The following IMMP2L variants were observed in gnomAD, a reference collection of about 807,000 sequenced individuals.
IMMP2L encodes inner mitochondrial membrane peptidase subunit 2, also known as mitochondrial inner membrane protease subunit 2.
A neutral mutation model predicts 19.3 loss-of-function variants in IMMP2L; 18 were observed. The ratio of observed to expected loss-of-function variants is 0.93; its 90% CI spans 0.64 to 1.38. The LOEUF is 1.38. Ranked by LOEUF, IMMP2L falls within the 40% of genes most tolerant of loss-of-function variation. The probability of loss-of-function intolerance (pLI) is 0.00; values close to 1 mark genes in which losing one functional copy is unlikely to be tolerated. For missense variants in IMMP2L, 233 were observed against 218.2 expected (o/e 1.07, Z -0.43); for synonymous variants, 76 against 73.0 (o/e 1.04, Z -0.21).
intron 5 of IMMP2L, among the ~76,000 whole-genome samples, chr7:110,684,524 C>G (rs1276992363): frequency 6.6e-6 from 1 of 151,806 alleles, no homozygotes; most frequent in East Asian, 1.9e-4. Context: ...TCACACAATT[C>G]CATTGTGTGA....
chr7:110,939,315 C>A (rs1816456464), intron 4 of IMMP2L, among the ~76,000 whole-genome samples: 1 of 145,086 alleles, frequency 6.9e-6, no homozygotes, highest in Admixed American at 7.2e-5. Context: ...TTCCAGAAAT[C>A]TGTGTTTTTC....
At chr7:110,986,994 A>G (rs1416351634) in intron 3 of IMMP2L, among the ~76,000 whole-genome samples, 1 of 152,122 alleles carries the variant, frequency 6.6e-6, no homozygotes, top group Admixed American at 6.5e-5. Flanking sequence ...GTTAACTCTC[A>G]CCGAAATAGT....
chr7:111,289,781 G>A (rs969440605), intron 3 of IMMP2L, among the ~76,000 whole-genome samples: 1 of 151,710 alleles, frequency 6.6e-6, no homozygotes, highest in Non-Finnish European at 1.5e-5. Flanking sequence ...TGCCTCCCCA[G>A]CTCAAACTTT....
At chr7:111,162,831 C>G (rs1437293198) in intron 3 of IMMP2L, among the ~76,000 whole-genome samples, 2 of 151,920 alleles carry the variant, frequency 1.3e-5, no homozygotes, top group African/African-American at 4.8e-5. Context: ...TGTCTAGACA[C>G]CCCCGCCCTC....
At chr7:110,687,143 T>G (rs1343545721) in intron 5 of IMMP2L, among the ~76,000 whole-genome samples, 2 of 152,076 alleles carry the variant, frequency 1.3e-5, no homozygotes, top group Admixed American at 6.6e-5. Flanking sequence ...ACCAGCATGG[T>G]TACTCTGTAT....
At chr7:111,234,031 G>GT (rs1225771274) in intron 3 of IMMP2L, among the ~76,000 whole-genome samples, 4 of 152,072 alleles carry the variant, frequency 2.6e-5, no homozygotes, top group African/African-American at 7.2e-5. Context: ...AAGTAATGTA[G>GT]TTGGATGGTC....
At chr7:111,549,546 A>C (rs1287618601) in intron 1 of IMMP2L, among the ~76,000 whole-genome samples, 1 of 152,202 alleles carries the variant, frequency 6.6e-6, no homozygotes, top group Non-Finnish European at 1.5e-5. Flanking sequence ...GAGTATTAGC[A>C]TAATGTAGTC....
At position 111,423,191 on chromosome 7, in the gene IMMP2L, C is replaced by T. The variant is rs1369417074; in HGVS notation, c.239+64047G>A. Among the ~76,000 whole-genome samples the T allele has an allele frequency of 2.6e-5, 4 of 151,874 alleles. No individual in the cohort carries two copies. The East Asian group carries it at 5.8e-4, about 22-fold the overall frequency. ...GGTCTAAAATTCTTTTTTGTTGTGTCTCTGCCAGGCTTTGGTATCAGGATG... is the reference window on the plus strand; with the variant it reads ...GGTCTAAAATTCTTTTTTGTTGTGTTTCTGCCAGGCTTTGGTATCAGGATG... On this transcript the variant is annotated intron_variant, in intron 3 of 5. Coordinates refer to ENST00000405709, the MANE Select transcript of IMMP2L (RefSeq NM_032549.4).
chr7:110,886,727 G>A, intron 4 of IMMP2L, 32 bp from the exon 5 acceptor site: 1 of 1,001,042 alleles, frequency 1.0e-6, no homozygotes, highest in East Asian at 2.4e-5. Flanking sequence ...ACTGAGATAT[G>A]AGTAGAAAAG....
chr7:111,106,361 T>C (rs1024832801), intron 3 of IMMP2L, among the ~76,000 whole-genome samples: 5 of 151,952 alleles, frequency 3.3e-5, no homozygotes, highest in African/African-American at 1.2e-4. Context: ...AAGGTCAACT[T>C]TTTTGAAGGA....
chr7:110,938,734 A>G (rs769319722), intron 4 of IMMP2L, among the ~76,000 whole-genome samples: 1 of 152,154 alleles, frequency 6.6e-6, no homozygotes, highest in Admixed American at 6.6e-5. Flanking sequence ...TAAATCTACA[A>G]AACAATACAA....
intron 3 of IMMP2L, among the ~76,000 whole-genome samples, chr7:111,282,811 T>C (rs1252340099): frequency 6.6e-6 from 1 of 152,162 alleles, no homozygotes; most frequent in African/African-American, 2.4e-5. Context: ...CTCAAATTCT[T>C]GGGCTAATAT....
intron 2 of IMMP2L, among the ~76,000 whole-genome samples, chr7:111,508,187 A>T (rs1468303350): frequency 6.6e-6 from 1 of 152,112 alleles, no homozygotes; most frequent in Non-Finnish European, 1.5e-5. Context: ...AAAAAGAAAG[A>T]AAAAAATTCA....
At chr7:111,187,060 C>T (rs1317472126) in intron 3 of IMMP2L, among the ~76,000 whole-genome samples, 3 of 151,996 alleles carry the variant, frequency 2.0e-5, no homozygotes, top group Non-Finnish European at 2.9e-5. Context: ...TACACCTTTA[C>T]ACAGAGGAAA....
At chr7:110,905,544 C>G (rs1243181069) in intron 4 of IMMP2L, among the ~76,000 whole-genome samples, 1 of 151,520 alleles carries the variant, frequency 6.6e-6, no homozygotes, top group South Asian at 2.1e-4. Context: ...CAGGTAATAT[C>G]CAAAACTAAA....
At chr7:110,952,057 A>G (rs73198999) in intron 4 of IMMP2L, among the ~76,000 whole-genome samples, 1 of 152,310 alleles carries the variant, frequency 6.6e-6, no homozygotes, top group Non-Finnish European at 1.5e-5. Flanking sequence ...TGGGTATTTT[A>G]AAAGACAATT....
chr7:110,735,846 CAAA>C (rs59078426), intron 5 of IMMP2L, among the ~76,000 whole-genome samples: 9 of 47,628 alleles, frequency 1.9e-4, no homozygotes, highest in Non-Finnish European at 3.3e-4. Flanking sequence ...CACTCTGCCT[CAAA>C]AAAAAAAAAA....
intron 5 of IMMP2L, among the ~76,000 whole-genome samples, chr7:110,779,996 C>T (rs960948014): frequency 7.9e-5 from 12 of 151,614 alleles, no homozygotes; most frequent in African/African-American, 2.4e-4. Flanking sequence ...CTTTTTAGCA[C>T]GGGTACTGTC....
rs1450186656 is a variant in IMMP2L, at chr7:110,738,128, T to C, written c.409-74407A>G. Among the ~76,000 whole-genome samples, 3 of 152,170 alleles carry C rather than the reference T, an allele frequency of 2.0e-5. No individual in the cohort carries two copies. In the East Asian group the frequency reaches 5.8e-4, roughly 29 times the overall value. On this transcript the variant is annotated intron_variant, in intron 5 of 5. Transcript: ENST00000405709. ...TGAGAAGAAAGCAGAAAAACAATTCTGCTAATATGATAAAACAAGGTTCTT... is the reference window on the plus strand; with the variant it reads ...TGAGAAGAAAGCAGAAAAACAATTCCGCTAATATGATAAAACAAGGTTCTT...
Sources: allele counts gnomAD v4.1 joint callset (sites outside exome capture counted in the v4.1 genomes callset), GRCh38; gene constraint gnomAD v4.1.1; transcripts MANE v1.5; gene names NCBI Gene and HGNC (gene_info 2026-07-23, HGNC 2026-07-21).